CCDC85C: variants seen among roughly 807,000 people sequenced by gnomAD.
The protein encoded by CCDC85C is coiled-coil domain containing 85C.
A neutral mutation model predicts 38.3 loss-of-function variants in CCDC85C; 18 were observed. The observed-to-expected ratio is 0.47, with a 90% CI of 0.33 to 0.70. CCDC85C has a LOEUF of 0.70. Ranked by LOEUF, CCDC85C falls within the 30% of genes least tolerant of loss-of-function variation. The pLI, the probability that CCDC85C is intolerant of heterozygous loss-of-function variation, is 0.03. For synonymous variants in CCDC85C, 264 were observed against 293.8 expected (o/e 0.90, Z 1.04); for missense variants, 566 against 621.2 (o/e 0.91, Z 0.94).
chr14:99,572,962 G>A lies in CCDC85C; in HGVS notation c.793+30205C>T. The stretch of plus-strand genomic sequence containing the variant: ...TGAGCCCTGCCTTCGCCTCCTACAA[G>A]ATAGGATGGCAGCAGCCTCAGAGCA... On this transcript the variant is annotated intron_variant, in intron 1 of 5. Transcript: ENST00000380243. This position sits in a 1 kb window ranked among gnomAD's most constrained non-coding sequence, Gnocchi z 4.4. 2.6e-6 allele frequency: 1 copy of A among 388,688 alleles called. No homozygotes were observed. Among genetic ancestry groups the A allele is most frequent in the African/African-American group, 2.1e-5 (1 of 48,068 alleles). 24.1% of individuals were successfully genotyped at this position (388,688 alleles called of 1,614,324 possible).
At chr14:99,532,785 T>C (rs866318587) in intron 2 of CCDC85C, among the ~76,000 whole-genome samples, 14 of 142,434 alleles carry the variant, frequency 9.8e-5, no homozygotes, top group African/African-American at 1.6e-4. Flanking sequence ...TCTTCTTCTT[T>C]TTTTTTTTTT....
chr14:99,602,318 G>A (rs1013841877), intron 1 of CCDC85C, among the ~76,000 whole-genome samples: 1 of 152,224 alleles, frequency 6.6e-6, no homozygotes, highest in Non-Finnish European at 1.5e-5. Flanking sequence ...TAACATGGGC[G>A]TAGAAGACAG....
chr14:99,503,407 T>G lies in CCDC85C; in HGVS notation c.*11839A>C. On this transcript the variant is annotated 3_prime_UTR_variant, in exon 6 of 6. Coordinates refer to ENST00000380243, the MANE Select transcript of CCDC85C (RefSeq NM_001144995.2). ...GGAAAGCTAGTCATTCTGTCTTATT[T>G]GGTAAATGGAAAGAGGAAGGGAGCA... 1.7e-6 allele frequency: 1 copy of G among 605,890 alleles called. No individual in the cohort carries two copies. The highest frequency in any genetic ancestry group is 2.9e-6 in the Non-Finnish European group (1 of 339,950). The allele number at this position is 605,890 out of a possible 1,614,324, so 37.5% of individuals were successfully genotyped here. A position where few individuals can be genotyped will look rare whatever the true frequency, so the allele number is the denominator to read the frequency against.
At position 99,520,285 on chromosome 14, in the gene CCDC85C, A is replaced by C. The variant is rs1231704224; in HGVS notation, c.975+1848T>G. Among the ~76,000 whole-genome samples, 1 of 152,076 alleles carries C rather than the reference A, an allele frequency of 6.6e-6. No individual in the cohort carries two copies. Among genetic ancestry groups the C allele is most frequent in the African/African-American group, 2.4e-5 (1 of 41,420 alleles). On this transcript the variant is annotated intron_variant, in intron 3 of 5. Coordinates refer to ENST00000380243, the MANE Select transcript of CCDC85C (RefSeq NM_001144995.2). The surrounding 1 kb of genome is among the most constrained non-coding windows in gnomAD (Gnocchi z 4.1). ...ACCCCCTCACTCTCCCCGGGGGTCC[A>C]AGTGCCAGACATGGGCTCTCCAGGC... is the stretch of plus-strand genomic sequence containing the variant.
rs979538576 is a variant in CCDC85C, at chr14:99,512,433, A to G, written c.*2813T>C. On this transcript the variant is annotated 3_prime_UTR_variant, in exon 6 of 6. Coordinates refer to ENST00000380243, the MANE Select transcript of CCDC85C (RefSeq NM_001144995.2). ...AGTCATGCATTTAGTTTTAAGAAAA[A>G]AAAAAAATCAGTAGTATGTATCTTG... The G allele has an allele frequency of 6.6e-6, 1 of 152,196 alleles. No individual in the cohort carries two copies. Among genetic ancestry groups the G allele is most frequent in the Non-Finnish European group, 1.5e-5 (1 of 68,040 alleles). 9.4% of individuals were successfully genotyped at this position (152,196 alleles called of 1,614,324 possible). A position where few individuals can be genotyped will look rare whatever the true frequency, so the allele number is the denominator to read the frequency against.
At chr14:99,531,144 G>A (rs891577626) in intron 2 of CCDC85C, among the ~76,000 whole-genome samples, 2 of 152,100 alleles carry the variant, frequency 1.3e-5, no homozygotes, top group African/African-American at 2.4e-5. Context: ...TGGGCACAGC[G>A]TGGGGGAAGA....
Position 99,511,803 on chromosome 14 carries a change from C to T in CCDC85C, c.*3443G>A, listed in dbSNP as rs1238785380. Reference sequence around the variant, plus strand: ...CTTTGAAGCCTTGCTGCGTAGAACGCACACAGGAACCCGGGGGCTTGGATT... The same window carrying T: ...CTTTGAAGCCTTGCTGCGTAGAACGTACACAGGAACCCGGGGGCTTGGATT... On this transcript the variant is annotated 3_prime_UTR_variant, in exon 6 of 6. Transcript: ENST00000380243. 2.6e-5 allele frequency: 4 copies of T among 152,592 alleles called. No individual in the cohort carries two copies. Among genetic ancestry groups the T allele is most frequent in the African/African-American group, 9.6e-5 (4 of 41,462 alleles). The allele number at this position is 152,592 out of a possible 1,614,324, so 9.5% of individuals were successfully genotyped here. A position where few individuals can be genotyped will look rare whatever the true frequency, so the allele number is the denominator to read the frequency against.
chr14:99,518,164 G>A (rs1309022116), intron 3 of CCDC85C, among the ~76,000 whole-genome samples: 1 of 152,132 alleles, frequency 6.6e-6, no homozygotes, highest in Non-Finnish European at 1.5e-5. Context: ...GCATCATGGG[G>A]CCACCTAACA....
chr14:99,571,342 G>GT (rs1898337778), intron 1 of CCDC85C, among the ~76,000 whole-genome samples: 1 of 112,510 alleles, frequency 8.9e-6, no homozygotes, highest in East Asian at 2.4e-4. Context: ...AATAGTAGTA[G>GT]TAGTAATAAT....
rs548346679 is a variant in CCDC85C at position 99,590,650 on chromosome 14, C to T, written c.793+12517G>A. On this transcript the variant is annotated intron_variant, in intron 1 of 5. Transcript: ENST00000380243. ...AAACCAGAAGGGGCTTTCACGTGAC[C>T]TTCCCAACCAACAAGGTAGGGGAAG... Among the ~76,000 whole-genome samples the T allele has an allele frequency of 3.3e-5, 5 of 152,308 alleles. 1 individual carries two copies. In the South Asian group the frequency reaches 1.0e-3, roughly 32 times the overall value.
chr14:99,524,298 C>G (rs1213184351), intron 2 of CCDC85C, among the ~76,000 whole-genome samples: 1 of 152,076 alleles, frequency 6.6e-6, no homozygotes. Flanking sequence ...CCCCTTCAGC[C>G]GGCCCTGCCC....
At position 99,525,156 on chromosome 14, in the gene CCDC85C, T is replaced by C. The variant is rs187925961; in HGVS notation, c.868-2916A>G. On this transcript the variant is annotated intron_variant, in intron 2 of 5. Coordinates refer to ENST00000380243, the MANE Select transcript of CCDC85C (RefSeq NM_001144995.2). Reference sequence around the variant, plus strand: ...ACCGGAGTTCAGGACACCTCCAGCCTGTATCCAGGGCCTTCACTGCAACAC... The same window carrying C: ...ACCGGAGTTCAGGACACCTCCAGCCCGTATCCAGGGCCTTCACTGCAACAC... 1.2e-4 allele frequency among the ~76,000 whole-genome samples: 18 copies of C among 152,306 alleles called. No homozygotes were observed. The East Asian group carries it at 3.1e-3, about 26-fold the overall frequency.
intron 3 of CCDC85C, among the ~76,000 whole-genome samples, chr14:99,518,690 G>A (rs933883974): frequency 2.0e-5 from 3 of 152,128 alleles, no homozygotes; most frequent in Non-Finnish European, 4.4e-5. Context: ...TGTGCCAGCC[G>A]GCCCCTGGCA....
At position 99,603,101 on chromosome 14, in the gene CCDC85C, C is replaced by T; in HGVS notation, c.793+66G>A. 1.6e-6 allele frequency: 2 copies of T among 1,278,928 alleles called. No homozygotes were observed. Among genetic ancestry groups the T allele is most frequent in the South Asian group, 5.0e-5 (2 of 40,358 alleles). The allele number at this position is 1,278,928 out of a possible 1,614,324, so 79.2% of individuals were successfully genotyped here. On this transcript the variant is annotated intron_variant, in intron 1 of 5. Coordinates refer to ENST00000380243, the MANE Select transcript of CCDC85C (RefSeq NM_001144995.2). The surrounding 1 kb of genome is among the most constrained non-coding windows in gnomAD (Gnocchi z 7.5). ...GGGACAGCCAGGGACCACCTCCTCT[C>T]GCCGCAGCCTGGGAAAAGGGCTGCA...
At position 99,558,973 on chromosome 14, in the gene CCDC85C, G is replaced by A. The variant is rs1245473784; in HGVS notation, c.794-22885C>T. On this transcript the variant is annotated intron_variant, in intron 1 of 5. Transcript: ENST00000380243. This position sits in a 1 kb window ranked among gnomAD's most constrained non-coding sequence, Gnocchi z 4.2. ...TCTGTGATCTGGTTGTTTAAAGTGT[G>A]TGGCTCCTCCCCGCACTCTACTCCC... Among the ~76,000 whole-genome samples the A allele has an allele frequency of 6.6e-6, 1 of 152,046 alleles. No homozygotes were observed. The highest frequency in any genetic ancestry group is 2.4e-5 in the African/African-American group (1 of 41,390).
chr14:99,590,517 C>T (rs1246539004), intron 1 of CCDC85C, among the ~76,000 whole-genome samples: 1 of 152,078 alleles, frequency 6.6e-6, no homozygotes, highest in Non-Finnish European at 1.5e-5. Context: ...CCCTTGCCTG[C>T]CACAGCTCCC....
In CCDC85C at chr14:99,511,835, C is replaced by G. The variant is rs990119495; in HGVS notation, c.*3411G>C. 1.3e-5 allele frequency: 2 copies of G among 152,654 alleles called. No homozygotes were observed. The highest frequency in any genetic ancestry group is 3.4e-3 in the Middle Eastern group (1 of 296). 9.5% of individuals were successfully genotyped at this position (152,654 alleles called of 1,614,324 possible). ...GAACCCGGGGGCTTGGATTTGAAAC[C>G]CTTTCCACTTCTGGCCTGTGATGAG... is the stretch of plus-strand genomic sequence containing the variant. On this transcript the variant is annotated 3_prime_UTR_variant, in exon 6 of 6. Transcript: ENST00000380243.
intron 1 of CCDC85C, among the ~76,000 whole-genome samples, chr14:99,602,375 A>G (rs2055208462): frequency 6.6e-6 from 1 of 152,222 alleles, no homozygotes; most frequent in South Asian, 2.1e-4. Context: ...CTGGTCACGG[A>G]TGACCACGGC....
intron 1 of CCDC85C, among the ~76,000 whole-genome samples, chr14:99,539,298 C>T (rs1897665893): frequency 6.6e-6 from 1 of 151,802 alleles, no homozygotes; most frequent in African/African-American, 2.4e-5. Context: ...TGGTGAAACC[C>T]CATCTCTACT....
Sources: gnomAD v4.1 joint callset for allele counts (sites outside exome capture counted in the v4.1 genomes callset) on GRCh38, gnomAD v4.1.1 for gene constraint, Gnocchi (gnomAD v3.1) non-coding constraint, MANE v1.5 for transcripts, NCBI Gene and HGNC (gene_info 2026-07-23, HGNC 2026-07-21) for gene names.